PPP1R9A: variants seen among roughly 807,000 people sequenced by gnomAD.
The protein encoded by PPP1R9A is neurabin-1.
PPP1R9A carries 59 observed loss-of-function variants against 141.9 expected under a neutral mutation model. The ratio of observed to expected loss-of-function variants is 0.42; its 90% confidence interval spans 0.34 to 0.52. PPP1R9A has a LOEUF of 0.52. PPP1R9A is among the 20% of genes least tolerant of loss of function. The probability of loss-of-function intolerance (pLI) is 0.10; values close to 1 mark genes in which losing one functional copy is unlikely to be tolerated. For missense variants in PPP1R9A, 1,444 were observed against 1,611.9 expected, an observed-to-expected ratio of 0.90 and a Z score of 1.78; for synonymous variants, 500 against 569.7, an observed-to-expected ratio of 0.88 and a Z score of 1.74.
At chr7:94,915,127 A>G (rs1254228094) in intron 2 of PPP1R9A, among the ~76,000 whole-genome samples, 6 of 152,206 alleles carry the variant, frequency 3.9e-5, no homozygotes, top group South Asian at 2.1e-4. Context: ...ACATTGTGCT[A>G]TATTTTGTGT....
At chr7:95,208,689 A>T (rs900395693) in intron 7 of PPP1R9A, among the ~76,000 whole-genome samples, 12 of 151,750 alleles carry the variant, frequency 7.9e-5, no homozygotes, top group African/African-American at 2.9e-4. Flanking sequence ...ACACCACGGC[A>T]CTCCATCCTG....
intron 2 of PPP1R9A, among the ~76,000 whole-genome samples, chr7:94,978,040 C>T (rs900579967): frequency 3.9e-5 from 6 of 152,084 alleles, no homozygotes; most frequent in Admixed American, 2.6e-4. Flanking sequence ...GGATTACAGG[C>T]GTGAGCCACC....
At chr7:95,184,278 A>G (rs959256796) in intron 5 of PPP1R9A, among the ~76,000 whole-genome samples, 9 of 152,218 alleles carry the variant, frequency 5.9e-5, no homozygotes, top group African/African-American at 1.7e-4. Context: ...CTTGTGACCC[A>G]TAGTTCACGA....
Position 95,291,190 on chromosome 7 carries a change from A to C in PPP1R9A, c.*887A>C, listed in dbSNP as rs1038348236. The C allele has an allele frequency of 1.3e-5, 2 of 152,180 alleles. No homozygotes were observed. Among genetic ancestry groups the C allele is most frequent in the African/African-American group, 4.8e-5 (2 of 41,436 alleles). 9.4% of individuals were successfully genotyped at this position (152,180 alleles called of 1,614,324 possible). On this transcript the variant is annotated 3_prime_UTR_variant, in exon 20 of 20. Transcript: ENST00000433360. ...CCCTACCTAACCCAAGAAATTGAAC[A>C]GGAAATTGATTTTTAAGGAAACCAC... is the stretch of plus-strand genomic sequence containing the variant.
chr7:95,197,361 A>G (rs1210424907), intron 5 of PPP1R9A, among the ~76,000 whole-genome samples: 1 of 152,224 alleles, frequency 6.6e-6, no homozygotes. Flanking sequence ...TATGTTGGCA[A>G]CAATATACCA....
intron 2 of PPP1R9A, among the ~76,000 whole-genome samples, chr7:95,057,861 C>A (rs1327504715): frequency 6.6e-6 from 1 of 152,100 alleles, no homozygotes; most frequent in African/African-American, 2.4e-5. Flanking sequence ...CTTACTTCCT[C>A]TCTAATAATC....
At chr7:95,219,097 T>C (rs1417003868) in intron 7 of PPP1R9A, among the ~76,000 whole-genome samples, 1 of 152,224 alleles carries the variant, frequency 6.6e-6, no homozygotes, top group Admixed American at 6.5e-5. Context: ...GCTTTTGCAG[T>C]GGGTGGTACT....
chr7:95,170,721 A>G (rs1439283935), intron 5 of PPP1R9A, among the ~76,000 whole-genome samples: 1 of 151,582 alleles, frequency 6.6e-6, no homozygotes, highest in Non-Finnish European at 1.5e-5. Flanking sequence ...AAGAAATGTC[A>G]GGGGAAGTCT....
intron 2 of PPP1R9A, among the ~76,000 whole-genome samples, chr7:94,991,545 GT>G (rs200647586): frequency 0.013 from 2,045 of 152,038 alleles, 51 homozygotes; most frequent in African/African-American, 0.047. Flanking sequence ...AGTCCCATTT[GT>G]TTGTGTTTGT....
chr7:95,037,961 A>AT (rs2151876919), intron 2 of PPP1R9A, among the ~76,000 whole-genome samples: 1 of 151,216 alleles, frequency 6.6e-6, no homozygotes, highest in East Asian at 1.9e-4. Context: ...AAAAAAAAAA[A>AT]AAAAGCTAAG....
At chr7:95,017,536 ATG>A (rs1805274224) in intron 2 of PPP1R9A, among the ~76,000 whole-genome samples, 3 of 152,166 alleles carry the variant, frequency 2.0e-5, no homozygotes, top group African/African-American at 7.2e-5. Flanking sequence ...CAAAACAAAG[ATG>A]TCTAAGACCC....
intron 2 of PPP1R9A, among the ~76,000 whole-genome samples, chr7:95,085,607 G>A (rs930106799): frequency 2.0e-5 from 3 of 151,158 alleles, no homozygotes; most frequent in African/African-American, 7.3e-5. Flanking sequence ...TAGTGACGGG[G>A]TTTCGCCATA....
intron 2 of PPP1R9A, among the ~76,000 whole-genome samples, chr7:94,991,719 A>AT (rs1382813161): frequency 6.6e-6 from 1 of 152,006 alleles, no homozygotes; most frequent in African/African-American, 2.4e-5. Context: ...TGGCGTGGTC[A>AT]TGGCTCACCG....
chr7:94,956,252 A>G (rs575447946), intron 2 of PPP1R9A, among the ~76,000 whole-genome samples: 38 of 152,286 alleles, frequency 2.5e-4, no homozygotes, highest in African/African-American at 8.4e-4. Context: ...ATTAGCTGCA[A>G]TTAAGAACCT....
intron 2 of PPP1R9A, among the ~76,000 whole-genome samples, chr7:95,092,292 C>T (rs948092820): frequency 6.6e-6 from 1 of 151,030 alleles, no homozygotes; most frequent in Non-Finnish European, 1.5e-5. Context: ...AGCACTGGAA[C>T]AGGCACAGCC....
intron 2 of PPP1R9A, among the ~76,000 whole-genome samples, chr7:95,074,014 A>G (rs1814434584): frequency 6.6e-6 from 1 of 152,194 alleles, no homozygotes; most frequent in Non-Finnish European, 1.5e-5. Context: ...ATCTTCAGCT[A>G]TGCTGCTTGG....
chr7:95,056,011 G>A (rs1405212206), intron 2 of PPP1R9A, among the ~76,000 whole-genome samples: 1 of 152,028 alleles, frequency 6.6e-6, no homozygotes, highest in Non-Finnish European at 1.5e-5. Context: ...TTTAACTGTT[G>A]TATATAAATA....
At chr7:95,119,917 T>C (rs1433540151) in intron 3 of PPP1R9A, among the ~76,000 whole-genome samples, 2 of 151,078 alleles carry the variant, frequency 1.3e-5, no homozygotes, top group African/African-American at 4.9e-5. Context: ...TATTCTTGGG[T>C]ATAGAAGCAC....
At chr7:95,200,134 G>C (rs1789218974) in intron 6 of PPP1R9A, among the ~76,000 whole-genome samples, 1 of 151,860 alleles carries the variant, frequency 6.6e-6, no homozygotes, top group South Asian at 2.1e-4. Context: ...AACAAGCAGA[G>C]GGGGCAAAGA....
Sources: gnomAD v4.1 joint callset for allele counts (sites outside exome capture counted in the v4.1 genomes callset) on GRCh38, gnomAD v4.1.1 for gene constraint, MANE v1.5 for transcripts, NCBI Gene and HGNC (gene_info 2026-07-23, HGNC 2026-07-21) for gene names.